EHMT1: variants seen among roughly 807,000 people sequenced by gnomAD.
EHMT1 encodes euchromatic histone lysine methyltransferase 1, also known as histone-lysine N-methyltransferase EHMT1.
In EHMT1, 15 loss-of-function variants were observed where a neutral mutation model predicts 147.2. The observed-to-expected ratio is 0.10, with a 90% CI of 0.07 to 0.16. The LOEUF (loss-of-function observed/expected upper bound fraction) is 0.16, where lower values mean the gene tolerates loss of function less well. Among genes scored for constraint, EHMT1 ranks in the 10% least tolerant of loss-of-function variants. EHMT1 has a pLI of 1.00. For missense variants in EHMT1, 1,587 were observed against 1,772.4 expected (o/e 0.90, Z 1.88); for synonymous variants, 795 against 709.6 (o/e 1.12, Z -1.91).
chr9:137,725,449 C>G (rs1221607410), intron 3 of EHMT1, among the ~76,000 whole-genome samples: 1 of 152,084 alleles, frequency 6.6e-6, no homozygotes, highest in Non-Finnish European at 1.5e-5. Context: ...TAAGGGCATC[C>G]CAGAGGTGGA....
chr9:137,802,492 AAAG>A lies in EHMT1; in HGVS notation c.2712+1513_2712+1515del, dbSNP rs1172009899. 3.0e-5 allele frequency: 12 copies of A among 398,562 alleles called. 1 individual carries two copies. The South Asian group carries it at 6.4e-4, about 21-fold the overall frequency. 24.7% of individuals were successfully genotyped at this position (398,562 alleles called of 1,614,324 possible). A position where few individuals can be genotyped will look rare whatever the true frequency, so the allele number is the denominator to read the frequency against. ...ATAAGAAAGAAGATTTGACACAGAA[AAAG>A]AAGATTTCTAAAAGCACACTATTAA... On this transcript the variant is annotated intron_variant, in intron 18 of 26. Transcript: ENST00000460843.
chr9:137,669,530 ACTC>A (rs1223957686), intron 1 of EHMT1, among the ~76,000 whole-genome samples: 3 of 60,422 alleles, frequency 5.0e-5, no homozygotes, highest in Non-Finnish European at 9.9e-5. Context: ...CGTGCACTCG[ACTC>A]CTCCCAAGAC....
chr9:137,789,589 C>G lies in EHMT1; in HGVS notation c.2383-1259C>G, dbSNP rs145229721. Reference sequence around the variant, plus strand: ...TTGGTGTTTGAAGTCAGCCATGGGTCACTGTGCGCCTCCAGGCCTCAGCCT... The same window carrying G: ...TTGGTGTTTGAAGTCAGCCATGGGTGACTGTGCGCCTCCAGGCCTCAGCCT... On this transcript the variant is annotated intron_variant, in intron 15 of 26. Transcript: ENST00000460843. Among the ~76,000 whole-genome samples, 828 of 152,354 alleles carry G rather than the reference C, an allele frequency of 5.4e-3. 3 individuals carry two copies. Among genetic ancestry groups the G allele is most frequent in the Admixed American group, 7.4e-3 (113 of 15,308 alleles).
At chr9:137,817,566 C>T (rs781685566) in intron 24 of EHMT1, 41 bp downstream of exon 24, 55 of 1,612,504 alleles carry the variant, frequency 3.4e-5, no homozygotes, top group Middle Eastern at 3.3e-4. Context: ...GGTGTCATTT[C>T]TGGGACGGAG....
chr9:137,749,057 T>C (rs1221559664), intron 6 of EHMT1, among the ~76,000 whole-genome samples: 1 of 152,142 alleles, frequency 6.6e-6, no homozygotes, highest in Non-Finnish European at 1.5e-5. Flanking sequence ...TCCAGAGTTG[T>C]GTCCTGCTGG....
At chr9:137,667,006 T>A (rs1167899133) in intron 1 of EHMT1, 1 of 152,306 alleles carries the variant, frequency 6.6e-6, no homozygotes, top group Admixed American at 6.5e-5. Flanking sequence ...GCTTCTCTCC[T>A]AGCTCTGAGG....
chr9:137,733,941 A>G (rs1323416584), intron 4 of EHMT1, among the ~76,000 whole-genome samples: 5 of 152,226 alleles, frequency 3.3e-5, no homozygotes, highest in South Asian at 2.1e-4. Context: ...GAGACAGCCT[A>G]CAACTATAAA....
chr9:137,817,335 T>G, intron 23 of EHMT1, 104 bp from the exon 24 acceptor site: 3 of 1,312,904 alleles, frequency 2.3e-6, no homozygotes, highest in Non-Finnish European at 2.2e-6. Flanking sequence ...CAGAACCAGT[T>G]TTCTTCCTCA....
At position 137,813,569 on chromosome 9, in the gene EHMT1, C is replaced by T. The variant is rs758034052; in HGVS notation, c.3180+39C>T. The T allele has an allele frequency of 2.6e-5, 42 of 1,612,070 alleles. No individual in the cohort carries two copies. The highest frequency in any genetic ancestry group is 3.4e-5 in the Non-Finnish European group (40 of 1,179,752). ...GATGAAGGGCTGACTCAGGCCAGGACATGGGACAGGCAGAAGCTTCTTGAG... is the reference window on the plus strand; with the variant it reads ...GATGAAGGGCTGACTCAGGCCAGGATATGGGACAGGCAGAAGCTTCTTGAG... On this transcript the variant is annotated intron_variant, in intron 21 of 26. Transcript: ENST00000460843. The surrounding 1 kb of genome is among the most constrained non-coding windows in gnomAD (Gnocchi z 4.9).
intron 1 of EHMT1, among the ~76,000 whole-genome samples, chr9:137,692,008 C>G (rs1942976360): frequency 1.3e-5 from 2 of 152,154 alleles, no homozygotes; most frequent in Non-Finnish European, 2.9e-5. Flanking sequence ...TAAAAATTCA[C>G]AGGATATTCC....
chr9:137,688,130 T>G (rs971051219), intron 1 of EHMT1, among the ~76,000 whole-genome samples: 3 of 152,148 alleles, frequency 2.0e-5, no homozygotes. Flanking sequence ...TTCAAGTGAT[T>G]CTTCTGCCTC....
At chr9:137,700,142 C>T (rs1056359126) in intron 1 of EHMT1, among the ~76,000 whole-genome samples, 1 of 152,214 alleles carries the variant, frequency 6.6e-6, no homozygotes, top group Non-Finnish European at 1.5e-5. Context: ...CAGTATTTAC[C>T]TATAAAATAC....
At chr9:137,647,320 GATAGGCAC>G (rs1183800130) in intron 1 of EHMT1, among the ~76,000 whole-genome samples, 1 of 152,134 alleles carries the variant, frequency 6.6e-6, no homozygotes, top group Non-Finnish European at 1.5e-5. Flanking sequence ...ATGGAAAACT[GATAGGCAC>G]CTTCTGCCCA....
chr9:137,679,282 A>G (rs1416165037), intron 1 of EHMT1, among the ~76,000 whole-genome samples: 1 of 152,100 alleles, frequency 6.6e-6, no homozygotes, highest in Non-Finnish European at 1.5e-5. Context: ...TTTTTCATTT[A>G]ATATTTTTGG....
intron 1 of EHMT1, among the ~76,000 whole-genome samples, chr9:137,673,085 A>G (rs1010065607): frequency 6.6e-6 from 1 of 152,180 alleles, no homozygotes; most frequent in Non-Finnish European, 1.5e-5. Flanking sequence ...TTTTTTGCCA[A>G]TTTAAGATGA....
chr9:137,634,448 A>G (rs1379394212), intron 1 of EHMT1, among the ~76,000 whole-genome samples: 3 of 152,184 alleles, frequency 2.0e-5, no homozygotes, highest in Admixed American at 6.5e-5. Context: ...TCAGTTGAAC[A>G]TAAATGTGAT....
chr9:137,665,663 CT>C (rs1564556375), intron 1 of EHMT1, among the ~76,000 whole-genome samples: 1 of 152,212 alleles, frequency 6.6e-6, no homozygotes, highest in Non-Finnish European at 1.5e-5. Context: ...CTGAGAGGCC[CT>C]ACGAGCAGTG....
At chr9:137,769,973 A>G (rs1333719170) in intron 10 of EHMT1, among the ~76,000 whole-genome samples, 3 of 152,124 alleles carry the variant, frequency 2.0e-5, no homozygotes, top group Admixed American at 1.3e-4. Flanking sequence ...AATAGCTGGG[A>G]CTATACACTT....
chr9:137,820,318 G>C (rs1219977735), intron 25 of EHMT1, among the ~76,000 whole-genome samples: 1 of 152,218 alleles, frequency 6.6e-6, no homozygotes, highest in Non-Finnish European at 1.5e-5. Context: ...GAGTTGTGAG[G>C]CTCCTCTGCT....
Sources: gnomAD v4.1 joint callset for allele counts (sites outside exome capture counted in the v4.1 genomes callset) on GRCh38, gnomAD v4.1.1 for gene constraint, Gnocchi (gnomAD v3.1) non-coding constraint, MANE v1.5 for transcripts, NCBI Gene and HGNC (gene_info 2026-07-23, HGNC 2026-07-21) for gene names.